The following CTNNA3 variants were observed in gnomAD, a reference collection of about 807,000 sequenced individuals.
CTNNA3 encodes the protein catenin alpha 3.
In CTNNA3, 76 loss-of-function variants were observed where a neutral mutation model predicts 95.7. That is an observed-to-expected ratio of 0.79 (90% CI 0.66 to 0.96). The LOEUF (loss-of-function observed/expected upper bound fraction) is 0.96. CTNNA3 is among the 40% of genes least tolerant of loss of function. The probability of loss-of-function intolerance (pLI) is 0.00; values close to 1 mark genes in which losing one functional copy is unlikely to be tolerated. For synonymous variants in CTNNA3, 431 were observed against 374.4 expected, an observed-to-expected ratio of 1.15 and a Z score of -1.74; for missense variants, 1,191 against 1,089.8, an observed-to-expected ratio of 1.09 and a Z score of -1.31.
chr10:66,960,709 A>T (rs1409138325), intron 7 of CTNNA3, among the ~76,000 whole-genome samples: 3 of 152,164 alleles, frequency 2.0e-5, no homozygotes, highest in Non-Finnish European at 1.5e-5. Flanking sequence ...AATATTCCAA[A>T]TTAAAATTTT....
intron 11 of CTNNA3, among the ~76,000 whole-genome samples, chr10:66,432,786 T>A (rs1317356128): frequency 6.6e-6 from 1 of 152,104 alleles, no homozygotes; most frequent in Non-Finnish European, 1.5e-5. Flanking sequence ...GTATTTCTCC[T>A]AATGCTATCC....
At chr10:66,692,306 C>T (rs576518266) in intron 9 of CTNNA3, among the ~76,000 whole-genome samples, 7 of 152,050 alleles carry the variant, frequency 4.6e-5, no homozygotes, top group Admixed American at 6.5e-5. Context: ...TTGAGAACTA[C>T]GTGAAGAATG....
At chr10:66,556,731 A>G (rs1842402517) in intron 10 of CTNNA3, among the ~76,000 whole-genome samples, 1 of 152,030 alleles carries the variant, frequency 6.6e-6, no homozygotes, top group South Asian at 2.1e-4. Context: ...AGGTGGGGGA[A>G]ATAGAGGAAC....
chr10:66,488,756 T>A (rs1387674652), intron 11 of CTNNA3, among the ~76,000 whole-genome samples: 1 of 152,144 alleles, frequency 6.6e-6, no homozygotes, highest in African/African-American at 2.4e-5. Flanking sequence ...GAAGAGGTCA[T>A]ATGAAACATC....
intron 1 of CTNNA3, among the ~76,000 whole-genome samples, chr10:67,690,595 T>C (rs1465949974): frequency 6.6e-6 from 1 of 152,100 alleles, no homozygotes; most frequent in East Asian, 1.9e-4. Flanking sequence ...AGAGTGCTGA[T>C]TGGTGCGTTT....
At chr10:65,992,229 C>A (rs2078560610) in intron 15 of CTNNA3, among the ~76,000 whole-genome samples, 1 of 151,878 alleles carries the variant, frequency 6.6e-6, no homozygotes, top group South Asian at 2.1e-4. Flanking sequence ...GTGTTCTTGT[C>A]TGGTTTTGGT....
chr10:66,628,935 T>C (rs1329479163), intron 9 of CTNNA3, among the ~76,000 whole-genome samples: 3 of 152,094 alleles, frequency 2.0e-5, no homozygotes, highest in Non-Finnish European at 4.4e-5. Context: ...TTATTGATGG[T>C]AATTAGATAT....
intron 10 of CTNNA3, among the ~76,000 whole-genome samples, chr10:66,529,390 G>C (rs2931266): frequency 0.56 from 84,281 of 150,526 alleles, 24,428 homozygotes; most frequent in Middle Eastern, 0.73. Context: ...CCTTGGCCTC[G>C]CAAAGTGTTG....
chr10:67,339,177 T>G (rs1842093679), intron 5 of CTNNA3, among the ~76,000 whole-genome samples: 1 of 152,224 alleles, frequency 6.6e-6, no homozygotes, highest in East Asian at 1.9e-4. Context: ...TCACTCATTC[T>G]TCAGGATAAA....
At chr10:67,007,198 A>G (rs1852046195) in intron 7 of CTNNA3, among the ~76,000 whole-genome samples, 1 of 152,144 alleles carries the variant, frequency 6.6e-6, no homozygotes, top group Non-Finnish European at 1.5e-5. Context: ...TTACCTTCAA[A>G]TTCTTGGGTG....
At chr10:66,579,312 A>G (rs1843109761) in intron 10 of CTNNA3, among the ~76,000 whole-genome samples, 1 of 151,876 alleles carries the variant, frequency 6.6e-6, no homozygotes, top group Admixed American at 6.6e-5. Flanking sequence ...TTACAAAAGA[A>G]GTTCTTACAT....
intron 14 of CTNNA3, among the ~76,000 whole-genome samples, chr10:66,071,898 G>A (rs1204178482): frequency 6.6e-6 from 1 of 152,112 alleles, no homozygotes. Context: ...ATGAAAAGCT[G>A]TGTTATCCCA....
chr10:66,674,524 A>G (rs1846778738), intron 9 of CTNNA3, among the ~76,000 whole-genome samples: 1 of 151,884 alleles, frequency 6.6e-6, no homozygotes, highest in Admixed American at 6.6e-5. Context: ...CAGTAATATT[A>G]CCCTATTGCT....
chr10:66,336,711 A>G (rs577153915), intron 12 of CTNNA3, among the ~76,000 whole-genome samples: 1 of 152,188 alleles, frequency 6.6e-6, no homozygotes, highest in East Asian at 1.9e-4. Flanking sequence ...TTTCAAAATT[A>G]AGTCCAAAAT....
At chr10:65,965,577 G>T (rs185072729) in intron 17 of CTNNA3, among the ~76,000 whole-genome samples, 3 of 151,816 alleles carry the variant, frequency 2.0e-5, no homozygotes, top group Non-Finnish European at 4.4e-5. Flanking sequence ...GCTAATTTTT[G>T]TATTTTTAGT....
chr10:67,347,596 A>C (rs925067586), intron 5 of CTNNA3, among the ~76,000 whole-genome samples: 5 of 152,294 alleles, frequency 3.3e-5, no homozygotes, highest in Admixed American at 2.0e-4. Context: ...CTGAACTCAG[A>C]AGTAAATTCT....
chr10:67,038,668 C>A (rs1185552072), intron 7 of CTNNA3, among the ~76,000 whole-genome samples: 1 of 152,008 alleles, frequency 6.6e-6, no homozygotes, highest in African/African-American at 2.4e-5. Context: ...GAATTGCTTA[C>A]AAAATTTTCC....
At chr10:66,925,985 T>G (rs1056357726) in intron 7 of CTNNA3, 1 of 456,742 alleles carries the variant, frequency 2.2e-6, no homozygotes, top group Non-Finnish European at 4.4e-6. Context: ...CATAATGTTC[T>G]TCACCACTGG....
At chr10:66,425,714 A>G (rs1267643574) in intron 11 of CTNNA3, among the ~76,000 whole-genome samples, 1 of 152,082 alleles carries the variant, frequency 6.6e-6, no homozygotes, top group African/African-American at 2.4e-5. Flanking sequence ...ATACACACAC[A>G]TATATATTCA....
Sources: gnomAD v4.1 joint callset for allele counts (sites outside exome capture counted in the v4.1 genomes callset) on GRCh38, gnomAD v4.1.1 for gene constraint, MANE v1.5 for transcripts, NCBI Gene and HGNC (gene_info 2026-07-23, HGNC 2026-07-21) for gene names.